SYN3: variants seen among roughly 807,000 people sequenced by gnomAD.
The protein encoded by SYN3 is synapsin-3.
A neutral mutation model predicts 65.8 loss-of-function variants in SYN3; 35 were observed. The observed-to-expected ratio is 0.53, with a 90% CI of 0.41 to 0.70. The LOEUF (loss-of-function observed/expected upper bound fraction) is 0.70, where lower values mean the gene tolerates loss of function less well. Ranked by LOEUF, SYN3 falls within the 30% of genes least tolerant of loss-of-function variation. The pLI is 0.00. For missense variants in SYN3, 680 were observed against 749.0 expected (o/e 0.91, Z 1.08); for synonymous variants, 270 against 292.9 (o/e 0.92, Z 0.80).
intron 7 of SYN3, among the ~76,000 whole-genome samples, chr22:32,581,811 T>G (rs1333791692): frequency 7.3e-6 from 1 of 136,806 alleles, no homozygotes; most frequent in African/African-American, 2.6e-5. Context: ...TTTTTTTTTT[T>G]TTTGAGACAG....
intron 6 of SYN3, among the ~76,000 whole-genome samples, chr22:32,722,083 G>A (rs140954157): frequency 8.0e-4 from 122 of 152,174 alleles, no homozygotes; most frequent in African/African-American, 2.9e-3. Context: ...GAGGCCAGAC[G>A]GTTCAATGCA....
chr22:32,999,666 C>A (rs762696244), intron 2 of SYN3, among the ~76,000 whole-genome samples: 1 of 152,020 alleles, frequency 6.6e-6, no homozygotes, highest in South Asian at 2.1e-4. Flanking sequence ...CTAGGCAACA[C>A]AATGAGACTC....
chr22:32,756,549 G>C (rs931597515), intron 6 of SYN3, among the ~76,000 whole-genome samples: 6 of 152,210 alleles, frequency 3.9e-5, no homozygotes, highest in African/African-American at 1.4e-4. Context: ...ATCTCACGTT[G>C]AGATGTAATC....
At chr22:32,638,484 A>G in intron 6 of SYN3, among the ~76,000 whole-genome samples, 1 of 151,922 alleles carries the variant, frequency 6.6e-6, no homozygotes, top group Non-Finnish European at 1.5e-5. Flanking sequence ...TTGTTTTTTG[A>G]CTTTTTGATA....
intron 1 of SYN3, among the ~76,000 whole-genome samples, chr22:33,033,285 G>A (rs566059069): frequency 6.6e-6 from 1 of 152,254 alleles, no homozygotes; most frequent in African/African-American, 2.4e-5. Context: ...ACAGGCATGA[G>A]CCACCAGGCC....
chr22:32,619,777 G>T (rs1267271589), intron 6 of SYN3, among the ~76,000 whole-genome samples: 1 of 152,210 alleles, frequency 6.6e-6, no homozygotes, highest in Non-Finnish European at 1.5e-5. Context: ...TGCAGCAGAA[G>T]TGTCCCAGTT....
chr22:32,995,281 G>A (rs540392778), intron 2 of SYN3, among the ~76,000 whole-genome samples: 96 of 152,330 alleles, frequency 6.3e-4, no homozygotes, highest in South Asian at 1.2e-3. Context: ...AGTGTCTCTT[G>A]TTGCTGCCCT....
At chr22:32,700,884 C>T (rs551359539) in intron 6 of SYN3, among the ~76,000 whole-genome samples, 24 of 152,354 alleles carry the variant, frequency 1.6e-4, no homozygotes, top group Non-Finnish European at 2.8e-4. Flanking sequence ...CCCCAAATTT[C>T]CACTGTTCTG....
chr22:32,694,879 A>G (rs2060714987), intron 6 of SYN3, among the ~76,000 whole-genome samples: 1 of 152,214 alleles, frequency 6.6e-6, no homozygotes, highest in Non-Finnish European at 1.5e-5. Context: ...CAGCTACTTT[A>G]TACATGAAAG....
intron 7 of SYN3, among the ~76,000 whole-genome samples, chr22:32,551,992 T>C (rs1465748055): frequency 6.6e-6 from 1 of 152,214 alleles, no homozygotes; most frequent in African/African-American, 2.4e-5. Flanking sequence ...GGCTCACGTC[T>C]GTAATCCCAG....
At chr22:32,869,527 G>T (rs1173643333) in intron 4 of SYN3, among the ~76,000 whole-genome samples, 2 of 151,894 alleles carry the variant, frequency 1.3e-5, no homozygotes, top group African/African-American at 4.8e-5. Flanking sequence ...GGAGGTGAGG[G>T]TTGTCATCAA....
chr22:32,942,845 T>G (rs1363836388), intron 3 of SYN3, among the ~76,000 whole-genome samples: 1 of 152,176 alleles, frequency 6.6e-6, no homozygotes, highest in East Asian at 1.9e-4. Context: ...AAGGGTATCA[T>G]TGATTAAAGA....
At chr22:32,904,064 T>C (rs2146540830) in intron 4 of SYN3, among the ~76,000 whole-genome samples, 1 of 152,370 alleles carries the variant, frequency 6.6e-6, no homozygotes, top group South Asian at 2.1e-4. Flanking sequence ...CACAAGTCTA[T>C]GATGTAAGCA....
At chr22:33,011,839 A>C (rs888681039) in intron 1 of SYN3, among the ~76,000 whole-genome samples, 1 of 152,114 alleles carries the variant, frequency 6.6e-6, no homozygotes, top group Non-Finnish European at 1.5e-5. Context: ...TGGTTGTGAA[A>C]CTTACTGGCA....
chr22:32,981,152 G>T (rs922621306), intron 2 of SYN3, among the ~76,000 whole-genome samples: 2 of 151,482 alleles, frequency 1.3e-5, no homozygotes, highest in African/African-American at 4.9e-5. Flanking sequence ...ACCGCGCCTG[G>T]CCGATTTTCT....
At chr22:33,050,324 A>C (rs1415883490) in intron 1 of SYN3, among the ~76,000 whole-genome samples, 3 of 152,008 alleles carry the variant, frequency 2.0e-5, no homozygotes, top group Admixed American at 6.6e-5. Context: ...TCTACTAAAA[A>C]TACAAAAAAT....
chr22:33,005,471 A>G (rs939691809), intron 2 of SYN3, among the ~76,000 whole-genome samples: 2 of 152,222 alleles, frequency 1.3e-5, no homozygotes, highest in African/African-American at 2.4e-5. Context: ...GCAGCTCCAC[A>G]TAAGCAGGAG....
intron 1 of SYN3, among the ~76,000 whole-genome samples, chr22:33,039,479 GATTCTCCTGCA>G (rs2053923728): frequency 6.6e-6 from 1 of 150,862 alleles, no homozygotes; most frequent in African/African-American, 2.4e-5. Flanking sequence ...GGGTTCAAGC[GATTCTCCTGCA>G]TTCAAGCGAT....
At chr22:33,046,144 C>A (rs1051518235) in intron 1 of SYN3, among the ~76,000 whole-genome samples, 1 of 152,068 alleles carries the variant, frequency 6.6e-6, no homozygotes, top group Non-Finnish European at 1.5e-5. Flanking sequence ...ATTGAGATAG[C>A]ACTAAACTAT....
Sources: allele counts gnomAD v4.1 joint callset (sites outside exome capture counted in the v4.1 genomes callset), GRCh38; gene constraint gnomAD v4.1.1; transcripts MANE v1.5; gene names NCBI Gene and HGNC (gene_info 2026-07-23, HGNC 2026-07-21).